LRMDA: variants seen among roughly 807,000 people sequenced by gnomAD.
LRMDA encodes the protein leucine-rich melanocyte differentiation-associated protein.
LRMDA carries 18 observed loss-of-function variants against 29.8 expected under a neutral mutation model. That is an observed-to-expected ratio of 0.60 (90% confidence interval 0.42 to 0.90). The LOEUF is 0.90. Ranked by LOEUF, LRMDA falls within the 40% of genes least tolerant of loss-of-function variation. The probability of loss-of-function intolerance (pLI) is 0.00; values close to 1 mark genes in which losing one functional copy is unlikely to be tolerated. For missense variants in LRMDA, 273 were observed against 273.9 expected, an observed-to-expected ratio of 1.00 and a Z score of 0.02; for synonymous variants, 125 against 109.4, an observed-to-expected ratio of 1.14 and a Z score of -0.89.
chr10:75,572,027 C>T (rs1287659972), intron 2 of LRMDA, among the ~76,000 whole-genome samples: 1 of 152,132 alleles, frequency 6.6e-6, no homozygotes, highest in Non-Finnish European at 1.5e-5. Context: ...AATTTTGGCT[C>T]ACTGCAACCT....
At chr10:76,378,246 C>A (rs12356246) in intron 6 of LRMDA, among the ~76,000 whole-genome samples, 1 of 151,962 alleles carries the variant, frequency 6.6e-6, no homozygotes, top group East Asian at 1.9e-4. Flanking sequence ...TTATTCTGAA[C>A]TTTACTGAAG....
chr10:75,482,303 G>A (rs9416061), intron 2 of LRMDA, among the ~76,000 whole-genome samples: 11,931 of 152,190 alleles, frequency 0.078, 684 homozygotes, highest in South Asian at 0.21. Flanking sequence ...GAACTCACGT[G>A]GAGCAGACCT....
chr10:76,344,916 AATC>A, intron 6 of LRMDA, among the ~76,000 whole-genome samples: 1 of 151,820 alleles, frequency 6.6e-6, no homozygotes, highest in East Asian at 1.9e-4. Context: ...AAAAAAAAGA[AATC>A]ATACAAGTAC....
intron 2 of LRMDA, among the ~76,000 whole-genome samples, chr10:75,662,563 A>C (rs1841767736): frequency 6.6e-6 from 1 of 152,224 alleles, no homozygotes; most frequent in Non-Finnish European, 1.5e-5. Flanking sequence ...TCCCACATGC[A>C]AAAAGAATAT....
chr10:75,691,178 C>A (rs12762884), intron 2 of LRMDA, among the ~76,000 whole-genome samples: 1 of 88,552 alleles, frequency 1.1e-5, no homozygotes, highest in African/African-American at 5.4e-5. Flanking sequence ...ATCTATATAT[C>A]TATGTACATA....
intron 6 of LRMDA, among the ~76,000 whole-genome samples, chr10:76,363,778 G>A (rs1026109596): frequency 1.1e-4 from 16 of 151,814 alleles, no homozygotes; most frequent in African/African-American, 3.9e-4. Context: ...TTTGGGTTAA[G>A]TCAAACAAAA....
intron 2 of LRMDA, among the ~76,000 whole-genome samples, chr10:75,574,051 TC>T (rs1840471157): frequency 6.6e-6 from 1 of 152,050 alleles, no homozygotes; most frequent in South Asian, 2.1e-4. Context: ...GTTTCTTTTG[TC>T]CCCCTTTTTA....
chr10:75,628,546 G>T (rs771876918), intron 2 of LRMDA, among the ~76,000 whole-genome samples: 2 of 152,206 alleles, frequency 1.3e-5, no homozygotes, highest in Admixed American at 1.3e-4. Flanking sequence ...AATATGATTT[G>T]GAGAAGAAAG....
intron 5 of LRMDA, among the ~76,000 whole-genome samples, chr10:76,189,957 G>A (rs1018821734): frequency 3.3e-5 from 5 of 152,160 alleles, no homozygotes; most frequent in East Asian, 1.9e-4. Context: ...GCTACGCACC[G>A]CAACTAGTAG....
chr10:76,435,314 C>A (rs889852451), intron 6 of LRMDA, among the ~76,000 whole-genome samples: 4 of 152,176 alleles, frequency 2.6e-5, no homozygotes, highest in African/African-American at 9.7e-5. Context: ...TGTGGCCTTT[C>A]AGTCCTTCCC....
intron 2 of LRMDA, among the ~76,000 whole-genome samples, chr10:75,645,580 G>A (rs918476140): frequency 6.6e-6 from 1 of 152,110 alleles, no homozygotes; most frequent in Non-Finnish European, 1.5e-5. Flanking sequence ...TGGGTCGGGG[G>A]AACCCATGGG....
At chr10:76,172,101 C>T (rs886934123) in intron 5 of LRMDA, among the ~76,000 whole-genome samples, 1 of 152,180 alleles carries the variant, frequency 6.6e-6, no homozygotes, top group Non-Finnish European at 1.5e-5. Flanking sequence ...GGGGACTAAT[C>T]TCTTCCCACC....
chr10:76,328,125 G>A (rs964521345), intron 6 of LRMDA, among the ~76,000 whole-genome samples: 8 of 152,176 alleles, frequency 5.3e-5, no homozygotes, highest in Admixed American at 5.2e-4. Context: ...TTGGAATGAG[G>A]AGGACATGGG....
intron 5 of LRMDA, among the ~76,000 whole-genome samples, chr10:76,231,720 T>C (rs1353762832): frequency 6.6e-6 from 1 of 152,114 alleles, no homozygotes; most frequent in Non-Finnish European, 1.5e-5. Context: ...CCTCTAATGA[T>C]GAAAAAAAGT....
At chr10:76,127,826 A>G (rs1589339463) in intron 5 of LRMDA, among the ~76,000 whole-genome samples, 1 of 152,238 alleles carries the variant, frequency 6.6e-6, no homozygotes, top group East Asian at 1.9e-4. Context: ...AAAGTAGTCC[A>G]TGCTAAGCTT....
At chr10:76,189,637 G>A (rs1273900204) in intron 5 of LRMDA, among the ~76,000 whole-genome samples, 1 of 152,190 alleles carries the variant, frequency 6.6e-6, no homozygotes, top group Non-Finnish European at 1.5e-5. Flanking sequence ...AGTGACAGAT[G>A]TCATGTATTG....
chr10:75,515,245 T>C (rs1221671999), intron 2 of LRMDA, among the ~76,000 whole-genome samples: 1 of 152,186 alleles, frequency 6.6e-6, no homozygotes, highest in Non-Finnish European at 1.5e-5. Flanking sequence ...AGGGAATGAA[T>C]GGTAGTGGGT....
chr10:75,761,322 C>T (rs1843091261), intron 2 of LRMDA, among the ~76,000 whole-genome samples: 1 of 152,146 alleles, frequency 6.6e-6, no homozygotes, highest in Non-Finnish European at 1.5e-5. Context: ...AAAATATAGC[C>T]TATATTTACA....
intron 2 of LRMDA, among the ~76,000 whole-genome samples, chr10:75,835,968 C>G (rs1370038052): frequency 6.6e-6 from 1 of 152,140 alleles, no homozygotes; most frequent in African/African-American, 2.4e-5. Context: ...ACAGTAGATG[C>G]TCATCAAACT....
Sources: gnomAD v4.1 joint callset for allele counts (sites outside exome capture counted in the v4.1 genomes callset) on GRCh38, gnomAD v4.1.1 for gene constraint, MANE v1.5 for transcripts, NCBI Gene and HGNC (gene_info 2026-07-23, HGNC 2026-07-21) for gene names.